MPP4: variants seen among roughly 807,000 people sequenced by gnomAD.
The protein encoded by MPP4 is MAGUK p55 scaffold protein 4.
A neutral mutation model predicts 98.3 loss-of-function variants in MPP4; 91 were observed. The ratio of observed to expected loss-of-function variants is 0.93; its 90% confidence interval spans 0.78 to 1.10. The LOEUF is 1.10. Among genes scored for constraint, MPP4 ranks in the 50% least tolerant of loss-of-function variants. The probability of loss-of-function intolerance (pLI) is 0.00; values close to 1 mark genes in which losing one functional copy is unlikely to be tolerated. For missense variants in MPP4, 744 were observed against 792.9 expected (o/e 0.94, Z 0.74); for synonymous variants, 261 against 271.8 (o/e 0.96, Z 0.39).
At chr2:201,677,001 T>C (rs1010451402) in intron 10 of MPP4, among the ~76,000 whole-genome samples, 35 of 152,284 alleles carry the variant, frequency 2.3e-4, no homozygotes, top group Non-Finnish European at 4.4e-5. Flanking sequence ...GGTACTTTAA[T>C]TCACAGCACA....
At chr2:201,671,101 G>A (rs1262864119) in intron 11 of MPP4, among the ~76,000 whole-genome samples, 2 of 152,156 alleles carry the variant, frequency 1.3e-5, no homozygotes, top group African/African-American at 4.8e-5. Flanking sequence ...ACACCACCAG[G>A]GCCGTGGGTT....
At chr2:201,650,658 G>T (rs548595170) in intron 18 of MPP4, 1 of 985,122 alleles carries the variant, frequency 1.0e-6, no homozygotes, top group Non-Finnish European at 1.2e-6. Flanking sequence ...GATGAAAAGC[G>T]AAGTTGAAAT....
Position 201,693,913 on chromosome 2 carries a change from C to T in MPP4, c.42G>A (p.Lys14=), listed in dbSNP as rs1456723714. 1 of 1,613,994 alleles carries T rather than the reference C, an allele frequency of 6.2e-7. No homozygotes were observed. The highest frequency in any genetic ancestry group is 1.1e-5 in the South Asian group (1 of 91,088). ...TGGTGGCTGTAGAAAGCTTCATGTC[C>T]TTCTTGTCTGGTGGATCTGCTCCTT... ...SDKGADPPDK[K]DMKLSTATNP... is the part of the protein sequence containing the mutation. The change falls in exon 2 of 22, where the codon AAG becomes AAA. Residue 14 remains lysine, a synonymous_variant. Transcript: ENST00000409474.
intron 7 of MPP4, among the ~76,000 whole-genome samples, chr2:201,684,791 A>T (rs948438135): frequency 2.0e-5 from 3 of 151,840 alleles, no homozygotes; most frequent in African/African-American, 4.8e-5. Flanking sequence ...TCTACTAAAA[A>T]TACAAAAAAT....
At chr2:201,659,028 T>C (rs941918536) in intron 15 of MPP4, among the ~76,000 whole-genome samples, 3 of 152,076 alleles carry the variant, frequency 2.0e-5, no homozygotes, top group Non-Finnish European at 4.4e-5. Flanking sequence ...CCCGAGTTGC[T>C]GGGATTCCAG....
intron 10 of MPP4, among the ~76,000 whole-genome samples, 165 bp from the exon 11 acceptor site, chr2:201,675,436 A>C (rs1020728779): frequency 6.6e-6 from 1 of 152,224 alleles, no homozygotes; most frequent in African/African-American, 2.4e-5. Flanking sequence ...TTGTCAAATA[A>C]ATTTTCCAAA....
At position 201,693,085 on chromosome 2, in the gene MPP4, G is replaced by C; in HGVS notation, c.80-56C>G. On this transcript the variant is annotated intron_variant, in intron 2 of 21. Coordinates refer to ENST00000409474, the MANE Select transcript of MPP4 (RefSeq NM_033066.3). Reference sequence around the variant, plus strand: ...GCAGGTGCGGGTGTAAATGTGAAAGGCAACTCAGATAGCTGGGGCATGCCA... The same window carrying C: ...GCAGGTGCGGGTGTAAATGTGAAAGCCAACTCAGATAGCTGGGGCATGCCA... The C allele has an allele frequency of 3.8e-6, 6 of 1,572,220 alleles. No individual in the cohort carries two copies. In the South Asian group the frequency reaches 7.1e-5, roughly 19 times the overall value.
chr2:201,697,172 A>G (rs367806244), intron 1 of MPP4, among the ~76,000 whole-genome samples: 1 of 152,264 alleles, frequency 6.6e-6, no homozygotes, highest in East Asian at 1.9e-4. Flanking sequence ...AACCCTCGCA[A>G]GAACCCAACC....
At chr2:201,662,005 G>A (rs1688041721) in intron 14 of MPP4, 5 of 338,658 alleles carry the variant, frequency 1.5e-5, no homozygotes, top group East Asian at 1.8e-4. Context: ...CCATCTAACG[G>A]AAAATAGGAA....
intron 12 of MPP4, among the ~76,000 whole-genome samples, chr2:201,667,884 G>A (rs1688227410): frequency 6.6e-6 from 1 of 152,024 alleles, no homozygotes; most frequent in Admixed American, 6.6e-5. Context: ...ATACAGGTAG[G>A]GACACAGATA....
At chr2:201,678,213 C>T (rs1462058894) in intron 10 of MPP4, among the ~76,000 whole-genome samples, 1 of 152,096 alleles carries the variant, frequency 6.6e-6, no homozygotes, top group Non-Finnish European at 1.5e-5. Flanking sequence ...CCTTGCAAGG[C>T]CCCTGCCAGA....
chr2:201,694,847 T>C (rs748269302), intron 1 of MPP4, among the ~76,000 whole-genome samples: 9 of 152,018 alleles, frequency 5.9e-5, no homozygotes, highest in Non-Finnish European at 1.2e-4. Context: ...CTCCAACTTC[T>C]GGGCAATCTT....
In MPP4 at chr2:201,670,138, A is replaced by C. The variant is rs1688300187; in HGVS notation, c.995-388T>G. On this transcript the variant is annotated intron_variant, in intron 11 of 21. Transcript: ENST00000409474. ...AGAGAGATGGAGAGAGGGAGGGAGG[A>C]AGGGAAAGAAAGAGGGAAGACAACT... Among the ~76,000 whole-genome samples, 3 of 152,128 alleles carry C rather than the reference A, an allele frequency of 2.0e-5. No individual in the cohort carries two copies. The South Asian group carries it at 6.2e-4, about 32-fold the overall frequency.
intron 10 of MPP4, among the ~76,000 whole-genome samples, 167 bp from the exon 11 acceptor site, chr2:201,675,438 T>A (rs1170222736): frequency 6.6e-6 from 1 of 152,214 alleles, no homozygotes; most frequent in African/African-American, 2.4e-5. Flanking sequence ...GTCAAATAAA[T>A]TTTCCAAACA....
At chr2:201,678,726 TGG>T (rs1208742220) in intron 10 of MPP4, among the ~76,000 whole-genome samples, 1 of 151,944 alleles carries the variant, frequency 6.6e-6, no homozygotes, top group African/African-American at 2.4e-5. Flanking sequence ...GGCCTGGAGG[TGG>T]GGGGTGTGTC....
intron 10 of MPP4, among the ~76,000 whole-genome samples, chr2:201,677,643 T>C (rs559419002): frequency 5.9e-5 from 9 of 152,346 alleles, no homozygotes; most frequent in Admixed American, 6.5e-5. Flanking sequence ...CTGCTCTTCA[T>C]ACCACTTACC....
At chr2:201,694,505 T>A (rs1420963793) in intron 1 of MPP4, among the ~76,000 whole-genome samples, 2 of 152,080 alleles carry the variant, frequency 1.3e-5, no homozygotes, top group Non-Finnish European at 1.5e-5. Flanking sequence ...CTCTTGGAAT[T>A]TAGAGACAAC....
chr2:201,670,543 A>G (rs1188957207), intron 11 of MPP4, among the ~76,000 whole-genome samples: 4 of 152,244 alleles, frequency 2.6e-5, no homozygotes, highest in Non-Finnish European at 5.9e-5. Context: ...AAAGTCTAAT[A>G]TAAATCACAC....
intron 14 of MPP4, 136 bp from the exon 15 acceptor site, chr2:201,660,482 G>T: frequency 2.2e-6 from 2 of 892,314 alleles, no homozygotes; most frequent in Non-Finnish European, 3.7e-6. Context: ...CTCGGGTAAG[G>T]CCTGGCAAGG....
Sources: gnomAD v4.1 joint callset for allele counts (sites outside exome capture counted in the v4.1 genomes callset) on GRCh38, gnomAD v4.1.1 for gene constraint, MANE v1.5 for transcripts, NCBI Gene and HGNC (gene_info 2026-07-23, HGNC 2026-07-21) for gene names.